Variants in EHHADH observed in about 807,000 individuals in gnomAD.
EHHADH encodes the protein enoyl-CoA hydratase and 3-hydroxyacyl CoA dehydrogenase.
In EHHADH, 48 loss-of-function variants were observed where a neutral mutation model predicts 64.4. That is an observed-to-expected ratio of 0.75 (90% CI 0.59 to 0.95). EHHADH has a LOEUF of 0.95. Among genes scored for constraint, EHHADH ranks in the 40% least tolerant of loss-of-function variants. EHHADH has a pLI of 0.00. For missense variants in EHHADH, 854 were observed against 876.6 expected, an observed-to-expected ratio of 0.97 and a Z score of 0.33; for synonymous variants, 308 against 326.7, an observed-to-expected ratio of 0.94 and a Z score of 0.62.
At chr3:185,248,048 T>C (rs764619486) in intron 2 of EHHADH, 31 of 175,336 alleles carry the variant, frequency 1.8e-4, no homozygotes, top group Non-Finnish European at 2.4e-4. Context: ...CCCCTTAAAA[T>C]AGATATTATT....
intron 2 of EHHADH, among the ~76,000 whole-genome samples, chr3:185,236,212 C>T: frequency 6.6e-6 from 1 of 152,148 alleles, no homozygotes; most frequent in East Asian, 1.9e-4. Context: ...TGAGCTCTGC[C>T]TTCTGTCAGA....
At chr3:185,242,237 G>A (rs1045182028) in intron 2 of EHHADH, among the ~76,000 whole-genome samples, 3 of 152,166 alleles carry the variant, frequency 2.0e-5, no homozygotes, top group Non-Finnish European at 2.9e-5. Context: ...AAATGACCAC[G>A]CTGCCAAAAG....
intron 6 of EHHADH, among the ~76,000 whole-genome samples, chr3:185,198,040 ACCTG>A (rs1273408436): frequency 6.6e-6 from 1 of 152,014 alleles, no homozygotes; most frequent in Non-Finnish European, 1.5e-5. Flanking sequence ...CAAGTAATCC[ACCTG>A]CCTTGGCCTC....
chr3:185,219,194 C>T (rs1718771920), intron 4 of EHHADH, among the ~76,000 whole-genome samples: 1 of 152,244 alleles, frequency 6.6e-6, no homozygotes, highest in Non-Finnish European at 1.5e-5. Context: ...CCCAGCATCT[C>T]AGCTCCTCCC....
chr3:185,208,018 G>T (rs761803233), intron 5 of EHHADH, among the ~76,000 whole-genome samples: 1 of 152,168 alleles, frequency 6.6e-6, no homozygotes, highest in Non-Finnish European at 1.5e-5. Context: ...AATTAAAACC[G>T]CAACAAATGT....
intron 5 of EHHADH, among the ~76,000 whole-genome samples, chr3:185,217,785 G>T (rs1309466966): frequency 6.8e-6 from 1 of 146,574 alleles, no homozygotes; most frequent in East Asian, 2.0e-4. Context: ...TTTTTCTCGA[G>T]ACGGAGTCTC....
rs180854714 is a variant in EHHADH, at chr3:185,193,186, T to C, written c.1212A>G (p.Ala404=). ...AELSAVCKPE[A]FLCTNTSALD... ...GGGCTGAAGTATTAGTGCACAAAAA[T>C]GCTTCTGGTTTGCACACAGCTGAGA... Residue 404 remains alanine (A), a synonymous_variant, in exon 7 of 7, where the codon GCA becomes GCG. Transcript: ENST00000231887. 9.3e-6 allele frequency: 15 copies of C among 1,612,904 alleles called. No homozygotes were observed. The highest frequency in any genetic ancestry group is 2.2e-5 in the South Asian group (2 of 90,680).
intron 2 of EHHADH, among the ~76,000 whole-genome samples, chr3:185,242,656 G>T (rs1719489364): frequency 6.6e-6 from 1 of 152,170 alleles, no homozygotes; most frequent in South Asian, 2.1e-4. Context: ...AAGGAAAGTG[G>T]GGGAAAGCTG....
At chr3:185,234,345 TTTGAG>T (rs376276590) in intron 3 of EHHADH, among the ~76,000 whole-genome samples, 1 of 152,322 alleles carries the variant, frequency 6.6e-6, no homozygotes, top group Non-Finnish European at 1.5e-5. Flanking sequence ...AACAGAAATC[TTTGAG>T]TTATCAAAGA....
At chr3:185,222,906 T>G (rs1560014846) in intron 4 of EHHADH, among the ~76,000 whole-genome samples, 1 of 152,236 alleles carries the variant, frequency 6.6e-6, no homozygotes, top group Non-Finnish European at 1.5e-5. Context: ...ACCTTTCGTT[T>G]TATTTGTTTT....
At chr3:185,235,576 ATT>A in intron 2 of EHHADH, 114 bp from the exon 3 acceptor site, 1 of 954,842 alleles carries the variant, frequency 1.0e-6, no homozygotes, top group Non-Finnish European at 1.4e-6. Flanking sequence ...TTATTTCTTA[ATT>A]TTTTTTAGAG....
intron 4 of EHHADH, among the ~76,000 whole-genome samples, chr3:185,227,234 T>TATA (rs1316486225): frequency 6.6e-6 from 1 of 152,214 alleles, no homozygotes; most frequent in Non-Finnish European, 1.5e-5. Context: ...GATCTTTGGG[T>TATA]ATAATAATAT....
rs1010293229 is a variant in EHHADH, at chr3:185,202,450, T to G, written c.910+1966A>C. Among the ~76,000 whole-genome samples, 2 of 152,120 alleles carry G rather than the reference T, an allele frequency of 1.3e-5. 1 individual carries two copies. Among genetic ancestry groups the G allele is most frequent in the South Asian group, 4.1e-4 (2 of 4,822 alleles). ...GAGACAGATTCTTTGATACCAAAGT[T>G]GAATTGAGAGAACAAACAGACTGAG... On this transcript the variant is annotated intron_variant, in intron 6 of 6. Coordinates refer to ENST00000231887, the MANE Select transcript of EHHADH (RefSeq NM_001966.4).
At chr3:185,246,430 A>G in intron 2 of EHHADH, 1 of 511,352 alleles carries the variant, frequency 2.0e-6, no homozygotes, top group Non-Finnish European at 3.2e-6. Context: ...AAATCATCTC[A>G]TCTCCAGATA....
chr3:185,226,311 G>A (rs960659018), intron 4 of EHHADH, among the ~76,000 whole-genome samples: 3 of 152,310 alleles, frequency 2.0e-5, no homozygotes, highest in Middle Eastern at 3.4e-3. Context: ...CTCCTGCCAA[G>A]GTCAGCACCA....
chr3:185,202,737 G>A (rs891213133), intron 6 of EHHADH, among the ~76,000 whole-genome samples: 3 of 152,174 alleles, frequency 2.0e-5, no homozygotes, highest in African/African-American at 7.2e-5. Context: ...TTTAATGCCT[G>A]ATGATCTGAG....
chr3:185,237,639 T>C (rs1577373584), intron 2 of EHHADH, among the ~76,000 whole-genome samples: 1 of 152,222 alleles, frequency 6.6e-6, no homozygotes, highest in East Asian at 1.9e-4. Flanking sequence ...TTTAATCTTT[T>C]AATGGGATGA....
chr3:185,213,936 A>G (rs1718617825), intron 5 of EHHADH, among the ~76,000 whole-genome samples: 1 of 152,094 alleles, frequency 6.6e-6, no homozygotes, highest in Non-Finnish European at 1.5e-5. Flanking sequence ...GGGAAGCACA[A>G]AAAGAAAAGA....
At chr3:185,204,894 T>C (rs1413386949) in intron 5 of EHHADH, 137 bp from the exon 6 acceptor site, 5 of 660,224 alleles carry the variant, frequency 7.6e-6, no homozygotes, top group Non-Finnish European at 1.3e-5. Context: ...TAATGTACAC[T>C]AAACATATGT....
Sources: allele counts gnomAD v4.1 joint callset (sites outside exome capture counted in the v4.1 genomes callset), GRCh38; gene constraint gnomAD v4.1.1; transcripts MANE v1.5; gene names NCBI Gene and HGNC (gene_info 2026-07-23, HGNC 2026-07-21).